Variants in SPPL3 observed in about 807,000 individuals in gnomAD.
SPPL3 encodes signal peptide peptidase like 3, also known as signal peptide peptidase-like 3.
Under a neutral mutation model 42.4 loss-of-function variants are expected in SPPL3, and 5 were observed. The observed-to-expected ratio is 0.12, with a 90% confidence interval of 0.06 to 0.25. The LOEUF is 0.25. Among genes scored for constraint, SPPL3 ranks in the 10% least tolerant of loss-of-function variants. SPPL3 has a pLI of 1.00. For synonymous variants in SPPL3, 195 were observed against 181.8 expected, an observed-to-expected ratio of 1.07 and a Z score of -0.58; for missense variants, 235 against 489.0, an observed-to-expected ratio of 0.48 and a Z score of 4.90.
chr12:120,884,212 G>A (rs1250192541), intron 1 of SPPL3, among the ~76,000 whole-genome samples: 1 of 152,204 alleles, frequency 6.6e-6, no homozygotes, highest in South Asian at 2.1e-4. Context: ...AGGGGACAGA[G>A]GCATGAGGAA....
intron 2 of SPPL3, among the ~76,000 whole-genome samples, chr12:120,796,079 T>C (rs1049447364): frequency 2.0e-5 from 3 of 152,200 alleles, no homozygotes; most frequent in Non-Finnish European, 2.9e-5. Flanking sequence ...CGTTCTTCTT[T>C]ATAATCTCCA....
chr12:120,850,026 C>T (rs1010116523), intron 1 of SPPL3, among the ~76,000 whole-genome samples: 4 of 152,088 alleles, frequency 2.6e-5, no homozygotes, highest in Non-Finnish European at 4.4e-5. Flanking sequence ...CATGGAAAAC[C>T]CCAAGTTTGC....
intron 1 of SPPL3, among the ~76,000 whole-genome samples, chr12:120,859,880 T>A (rs892024161): frequency 2.6e-5 from 4 of 151,708 alleles, no homozygotes; most frequent in Non-Finnish European, 5.9e-5. Context: ...GAGGCAGAGG[T>A]TGCAGTGAGC....
At chr12:120,799,802 C>G (rs1395005216) in intron 2 of SPPL3, among the ~76,000 whole-genome samples, 2 of 152,132 alleles carry the variant, frequency 1.3e-5, no homozygotes, top group African/African-American at 4.8e-5. Context: ...TATCTTCCAG[C>G]TTTATACAAC....
At chr12:120,903,794 C>A (rs1305068938) in intron 1 of SPPL3, 51 bp downstream of exon 1, 2 of 1,400,064 alleles carry the variant, frequency 1.4e-6, no homozygotes, top group South Asian at 2.8e-5. Flanking sequence ...CGCGCCGGCG[C>A]CCCGACCCCC....
At chr12:120,855,620 G>A (rs1047079146) in intron 1 of SPPL3, among the ~76,000 whole-genome samples, 2 of 152,088 alleles carry the variant, frequency 1.3e-5, no homozygotes, top group African/African-American at 4.8e-5. Context: ...CCGGGAGATG[G>A]TGGTTACAGT....
At chr12:120,899,826 G>A (rs1305253152) in intron 1 of SPPL3, among the ~76,000 whole-genome samples, 2 of 149,290 alleles carry the variant, frequency 1.3e-5, no homozygotes, top group Non-Finnish European at 3.0e-5. Flanking sequence ...CCAGGAGGCG[G>A]AGGTTGCTGT....
Position 120,791,577 on chromosome 12 carries a change from A to G in SPPL3, c.102-20T>C, listed in dbSNP as rs374927561. Reference sequence around the variant, plus strand: ...AGGGACCTGTGGAAAAAAATTTTGTAGTTAAGTTGTAGTTTTGCTTACAAA... The same window carrying G: ...AGGGACCTGTGGAAAAAAATTTTGTGGTTAAGTTGTAGTTTTGCTTACAAA... On this transcript the variant is annotated intron_variant, in intron 2 of 10. Coordinates refer to ENST00000353487, the MANE Select transcript of SPPL3 (RefSeq NM_139015.5). The G allele has an allele frequency of 5.2e-5, 81 of 1,548,430 alleles. No homozygotes were observed. Among genetic ancestry groups the G allele is most frequent in the Non-Finnish European group, 6.8e-5 (77 of 1,138,216 alleles).
At chr12:120,840,201 C>T (rs1007903034) in intron 1 of SPPL3, among the ~76,000 whole-genome samples, 3 of 148,970 alleles carry the variant, frequency 2.0e-5, no homozygotes, top group Admixed American at 6.7e-5. Flanking sequence ...ATGCTTGAAC[C>T]CGGCGGGTGG....
intron 2 of SPPL3, among the ~76,000 whole-genome samples, chr12:120,795,924 T>C (rs981687995): frequency 3.3e-5 from 5 of 152,224 alleles, no homozygotes; most frequent in Non-Finnish European, 7.3e-5. Flanking sequence ...AATTATTCTT[T>C]TCTGTACTTC....
At chr12:120,890,120 T>C (rs908686413) in intron 1 of SPPL3, among the ~76,000 whole-genome samples, 1 of 151,990 alleles carries the variant, frequency 6.6e-6, no homozygotes, top group Non-Finnish European at 1.5e-5. Context: ...TGGTGGTGCA[T>C]GCCTGTAATC....
At chr12:120,766,401 C>A (rs1259359137) in intron 9 of SPPL3, 29 bp from the exon 10 acceptor site, 4 of 1,541,938 alleles carry the variant, frequency 2.6e-6, no homozygotes, top group Non-Finnish European at 2.6e-6. Context: ...ATCTGTGAGA[C>A]ACGAGAGGGA....
intron 1 of SPPL3, among the ~76,000 whole-genome samples, chr12:120,898,821 ACT>A (rs1873887157): frequency 1.3e-5 from 2 of 152,272 alleles, no homozygotes; most frequent in East Asian, 1.9e-4. Context: ...TGCTCGTAAA[ACT>A]CTATCACATA....
intron 6 of SPPL3, among the ~76,000 whole-genome samples, chr12:120,777,636 T>C (rs1869371213): frequency 6.6e-6 from 1 of 152,174 alleles, no homozygotes; most frequent in African/African-American, 2.4e-5. Context: ...CTGTATTACT[T>C]TGAATGCAAT....
At position 120,876,684 on chromosome 12, in the gene SPPL3, T is replaced by C. The variant is rs2137053936; in HGVS notation, c.23+27161A>G. Among the ~76,000 whole-genome samples the C allele has an allele frequency of 1.4e-5, 2 of 144,450 alleles. 1 individual carries two copies. Among genetic ancestry groups the C allele is most frequent in the Non-Finnish European group, 3.0e-5 (2 of 65,802 alleles). 94.8% of individuals were successfully genotyped at this position (144,450 alleles called of 152,430 possible). A position where few individuals can be genotyped will look rare whatever the true frequency, so the allele number is the denominator to read the frequency against. ...TGAATGAAAATCAAGCAGACCAAAA[T>C]GTACAGTATGTACAGCATGCAGCTA... On this transcript the variant is annotated intron_variant, in intron 1 of 10. Coordinates refer to ENST00000353487, the MANE Select transcript of SPPL3 (RefSeq NM_139015.5).
At chr12:120,811,022 A>C in intron 1 of SPPL3, 136 bp from the exon 2 acceptor site, 1 of 546,090 alleles carries the variant, frequency 1.8e-6, no homozygotes, top group Non-Finnish European at 3.2e-6. Context: ...AATTAGCATT[A>C]ACAAAATAAC....
intron 1 of SPPL3, among the ~76,000 whole-genome samples, chr12:120,900,923 C>CAAAAAAAAA (rs11432981): frequency 9.8e-6 from 1 of 101,524 alleles, no homozygotes; most frequent in African/African-American, 3.7e-5. Context: ...CCCTGTCTCA[C>CAAAAAAAAA]AAAAAAAAAA....
chr12:120,839,039 C>T (rs1871714551), intron 1 of SPPL3, among the ~76,000 whole-genome samples: 1 of 152,046 alleles, frequency 6.6e-6, no homozygotes, highest in Non-Finnish European at 1.5e-5. Context: ...AATCACGCTG[C>T]TATAAAGACA....
intron 1 of SPPL3, among the ~76,000 whole-genome samples, chr12:120,846,094 G>T (rs550475280): frequency 2.0e-5 from 3 of 152,130 alleles, no homozygotes; most frequent in Non-Finnish European, 4.4e-5. Context: ...ATGGGATTTT[G>T]CTATGTTGGC....
Sources: gnomAD v4.1 joint callset for allele counts (sites outside exome capture counted in the v4.1 genomes callset) on GRCh38, gnomAD v4.1.1 for gene constraint, MANE v1.5 for transcripts, NCBI Gene and HGNC (gene_info 2026-07-23, HGNC 2026-07-21) for gene names.